The following FBRSL1 variants were observed in gnomAD, a reference collection of about 807,000 sequenced individuals.
FBRSL1 encodes fibrosin like 1.
FBRSL1 carries 51 observed loss-of-function variants against 89.6 expected under a neutral mutation model. The observed-to-expected ratio is 0.57, with a 90% CI of 0.45 to 0.72. The LOEUF is 0.72. Among genes scored for constraint, FBRSL1 ranks in the 30% least tolerant of loss-of-function variants. FBRSL1 has a pLI of 0.00. For missense variants in FBRSL1, 1,618 were observed against 1,451.8 expected (o/e 1.11, Z -1.86); for synonymous variants, 779 against 681.1 (o/e 1.14, Z -2.24).
At chr12:132,575,266 C>A (rs549291763) in intron 14 of FBRSL1, among the ~76,000 whole-genome samples, 2 of 152,204 alleles carry the variant, frequency 1.3e-5, no homozygotes, top group Admixed American at 1.3e-4. Context: ...CTCGCTCTGT[C>A]GCCCAGGCTG....
At chr12:132,517,268 G>A (rs907751273) in intron 2 of FBRSL1, among the ~76,000 whole-genome samples, 1 of 152,250 alleles carries the variant, frequency 6.6e-6, no homozygotes, top group African/African-American at 2.4e-5. Context: ...CACTCAGGAG[G>A]GCTGGGGGCC....
chr12:132,575,707 G>A (rs1419327981), intron 14 of FBRSL1, among the ~76,000 whole-genome samples: 1 of 152,280 alleles, frequency 6.6e-6, no homozygotes, highest in Non-Finnish European at 1.5e-5. Flanking sequence ...TCCTGCAAGA[G>A]GCCGGCGGTC....
intron 5 of FBRSL1, among the ~76,000 whole-genome samples, chr12:132,566,766 G>T (rs941979772): frequency 6.6e-6 from 1 of 151,380 alleles, no homozygotes; most frequent in African/African-American, 2.4e-5. Context: ...TTGGCCGGCC[G>T]CAGGCACATA....
chr12:132,583,141 A>C lies in FBRSL1; in HGVS notation c.2372A>C (p.Glu791Ala). Reference sequence around the variant, plus strand: ...AAGGAGAGCCGCTCCCCGGCCAAGGAGGAGGCCGCCAAGATGCCCGCGCGC... The same window carrying C: ...AAGGAGAGCCGCTCCCCGGCCAAGGCGGAGGCCGCCAAGATGCCCGCGCGC... ...RVKESRSPAK[E>A]EAAKMPARAS... The change falls in exon 19 of 19, where the codon GAG becomes GCG. Residue 791 changes from glutamate (E) to alanine (A), a missense_variant. Transcript: ENST00000680143. 6.8e-7 allele frequency: 1 copy of C among 1,464,528 alleles called. No homozygotes were observed. The highest frequency in any genetic ancestry group is 9.0e-7 in the Non-Finnish European group (1 of 1,112,546). The allele number at this position is 1,464,528 out of a possible 1,614,324, so 90.7% of individuals were successfully genotyped here.
Position 132,500,628 on chromosome 12 carries a change from C to G in FBRSL1, c.292-7525C>G, listed in dbSNP as rs757256531. ...AATCCGACCTCATCCAGCTGCTGTC[C>G]TGCCTGGGAGCCCAGGGCCCTGCAG... On this transcript the variant is annotated intron_variant, in intron 1 of 18. Coordinates refer to ENST00000680143, the MANE Select transcript of FBRSL1 (RefSeq NM_001367871.1). Among the ~76,000 whole-genome samples, 103 of 152,182 alleles carry G rather than the reference C, an allele frequency of 6.8e-4. 2 individuals are homozygous for G. The highest frequency in any genetic ancestry group is 2.1e-4 in the Non-Finnish European group (14 of 68,018).
In FBRSL1 at chr12:132,508,257, G is replaced by T. The variant is rs1250217095; in HGVS notation, c.396G>T (p.Glu132Asp). 4 of 1,550,618 alleles carry T rather than the reference G, an allele frequency of 2.6e-6. No individual in the cohort carries two copies. Among genetic ancestry groups the T allele is most frequent in the Non-Finnish European group, 3.5e-6 (4 of 1,146,892 alleles). Residue 132 changes from glutamate (E) to aspartate (D), a missense_variant, in exon 2 of 19, where the codon GAG becomes GAT. Coordinates refer to ENST00000680143, the MANE Select transcript of FBRSL1 (RefSeq NM_001367871.1). Reference protein sequence around the residue: ...SETCPPAEPSENRRPLEAGSP... With the variant: ...SETCPPAEPSDNRRPLEAGSP... The stretch of plus-strand genomic sequence containing the variant: ...CCTGCCCCCCTGCGGAGCCCAGTGA[G>T]AACAGGCGGCCCCTGGAGGCAGGCA...
chr12:132,580,647 G>A, intron 15 of FBRSL1: 2 of 381,482 alleles, frequency 5.2e-6, no homozygotes, highest in Non-Finnish European at 7.2e-6. Context: ...CAGCTTTCAT[G>A]CCACAGCTCA....
chr12:132,505,829 C>T (rs1566107980), intron 1 of FBRSL1, among the ~76,000 whole-genome samples: 1 of 152,260 alleles, frequency 6.6e-6, no homozygotes, highest in Non-Finnish European at 1.5e-5. Context: ...CCGCACGGCT[C>T]TCCCAGGCCT....
At chr12:132,578,686 C>T (rs1373069044) in intron 15 of FBRSL1, among the ~76,000 whole-genome samples, 1 of 150,310 alleles carries the variant, frequency 6.7e-6, no homozygotes, top group African/African-American at 2.5e-5. Context: ...GTCCTTGAGG[C>T]CTGTCCCTTC....
intron 1 of FBRSL1, chr12:132,507,383 C>T: frequency 1.0e-6 from 1 of 985,504 alleles, no homozygotes; most frequent in Non-Finnish European, 1.2e-6. Flanking sequence ...AGCCAGCATA[C>T]AGAAGGTGCT....
rs1030603924 is a variant in FBRSL1, at chr12:132,526,538, G to A, written c.579+715G>A. Among the ~76,000 whole-genome samples, 4 of 152,266 alleles carry A rather than the reference G, an allele frequency of 2.6e-5. No individual in the cohort carries two copies. The South Asian group carries it at 8.3e-4, about 32-fold the overall frequency. On this transcript the variant is annotated intron_variant, in intron 3 of 18. Transcript: ENST00000680143. ...GCGGGTGGGCCCATCGGGACCCAGG[G>A]CCTTGGGCTCTGTCCCCTGACATCC...
intron 15 of FBRSL1, among the ~76,000 whole-genome samples, chr12:132,578,527 G>A (rs2040532469): frequency 6.6e-6 from 1 of 152,084 alleles, no homozygotes; most frequent in South Asian, 2.1e-4. Flanking sequence ...TAAGTGGCCC[G>A]CACAGTTCAA....
chr12:132,571,982 A>G (rs1593557774), intron 9 of FBRSL1: 1 of 481,018 alleles, frequency 2.1e-6, no homozygotes, highest in Non-Finnish European at 3.7e-6. Context: ...GTGTGTCCCC[A>G]GCGCGACCCA....
rs1292864423 is a variant in FBRSL1, at chr12:132,521,384, G to GGACT, written c.490-4350_490-4349insGACT. Among the ~76,000 whole-genome samples the GGACT allele has an allele frequency of 2.0e-5, 3 of 152,296 alleles. No individual in the cohort carries two copies. The East Asian group carries it at 5.8e-4, about 29-fold the overall frequency. ...GTTCCCGTCTCCTGCTGGAACTGTG[G>GGACT]CCCAGCCCAACTAGGGGGTGTGGGG... On this transcript the variant is annotated intron_variant, in intron 2 of 18. Transcript: ENST00000680143.
rs374537262 is a variant in FBRSL1, at chr12:132,576,436, G to A, written c.1702-363G>A. Among the ~76,000 whole-genome samples the A allele has an allele frequency of 1.8e-4, 27 of 152,086 alleles. No homozygotes were observed. In the East Asian group the frequency reaches 3.5e-3, roughly 20 times the overall value. On this transcript the variant is annotated intron_variant, in intron 14 of 18. Coordinates refer to ENST00000680143, the MANE Select transcript of FBRSL1 (RefSeq NM_001367871.1). ...TCGAACTCCTGACCTCAGGTGATCC[G>A]CCCGTATCAGCCTCCCAAAGTGCTG...
At chr12:132,520,277 C>T (rs1359999337) in intron 2 of FBRSL1, among the ~76,000 whole-genome samples, 1 of 152,050 alleles carries the variant, frequency 6.6e-6, no homozygotes, top group Non-Finnish European at 1.5e-5. Context: ...TCCTTGCACA[C>T]CTCCAGCAGC....
At position 132,583,721 on chromosome 12, in the gene FBRSL1, G is replaced by T. The variant is rs533636287; in HGVS notation, c.2952G>T (p.Pro984=). The T allele has an allele frequency of 3.3e-6, 4 of 1,210,554 alleles. No individual in the cohort carries two copies. The highest frequency in any genetic ancestry group is 4.1e-6 in the Non-Finnish European group (4 of 974,410). The allele number at this position is 1,210,554 out of a possible 1,614,324, so 75.0% of individuals were successfully genotyped here. The change falls in exon 19 of 19, where the codon CCG becomes CCT. Residue 984 remains proline, a synonymous_variant. Coordinates refer to ENST00000680143, the MANE Select transcript of FBRSL1 (RefSeq NM_001367871.1). The part of the protein sequence containing the change: ...SRTTPLGGLG[P]GEARDYSPSR... ...CTACTCCGCTGGGGGGCCTCGGGCCGGGCGAGGCGCGCGACTACTCCCCGT... is the reference window on the plus strand; with the variant it reads ...CTACTCCGCTGGGGGGCCTCGGGCCTGGCGAGGCGCGCGACTACTCCCCGT...
intron 4 of FBRSL1, among the ~76,000 whole-genome samples, chr12:132,530,592 C>T (rs2036176440): frequency 6.6e-6 from 1 of 152,048 alleles, no homozygotes; most frequent in African/African-American, 2.4e-5. Flanking sequence ...TGGGTCTCCA[C>T]TCATTATTCA....
At chr12:132,574,034 C>T (rs1034416198) in intron 11 of FBRSL1, 56 bp from the exon 12 acceptor site, 16 of 1,148,098 alleles carry the variant, frequency 1.4e-5, no homozygotes, top group African/African-American at 1.1e-4. Flanking sequence ...AAGCCCGAGG[C>T]GTCCTCCTGC....
Sources: gnomAD v4.1 joint callset for allele counts (sites outside exome capture counted in the v4.1 genomes callset) on GRCh38, gnomAD v4.1.1 for gene constraint, MANE v1.5 for transcripts, NCBI Gene and HGNC (gene_info 2026-07-23, HGNC 2026-07-21) for gene names.